The following COL27A1 variants were observed in gnomAD, a reference collection of about 807,000 sequenced individuals.
The protein encoded by COL27A1 is collagen alpha-1(XXVII) chain.
COL27A1 carries 106 observed loss-of-function variants against 251.3 expected under a neutral mutation model. The observed-to-expected ratio is 0.42, with a 90% CI of 0.36 to 0.50. The LOEUF (loss-of-function observed/expected upper bound fraction) is 0.50, where lower values mean the gene tolerates loss of function less well. COL27A1 is among the 20% of genes least tolerant of loss of function. The pLI is 0.00. For missense variants in COL27A1, 2,325 were observed against 2,522.8 expected (o/e 0.92, Z 1.68); for synonymous variants, 1,000 against 986.3 (o/e 1.01, Z -0.26).
chr9:114,300,950 G>T (rs1828578900), intron 51 of COL27A1, 122 bp from the exon 52 acceptor site: 2 of 990,056 alleles, frequency 2.0e-6, no homozygotes, highest in Middle Eastern at 2.4e-4. Flanking sequence ...CATGGCCTGG[G>T]CCCGCTTCAG....
chr9:114,218,215 G>T (rs534673537), intron 12 of COL27A1: 1 of 182,426 alleles, frequency 5.5e-6, no homozygotes, highest in Admixed American at 5.5e-5. Context: ...GTTTAGGTGA[G>T]ACTGGAATTT....
At chr9:114,180,084 C>T (rs1248598224) in intron 4 of COL27A1, among the ~76,000 whole-genome samples, 1 of 151,982 alleles carries the variant, frequency 6.6e-6, no homozygotes, top group South Asian at 2.1e-4. Flanking sequence ...AAGTGATCCA[C>T]CTGCCTCGGC....
intron 7 of COL27A1, among the ~76,000 whole-genome samples, chr9:114,202,528 C>T (rs914612408): frequency 6.6e-6 from 1 of 152,182 alleles, no homozygotes; most frequent in African/African-American, 2.4e-5. Flanking sequence ...ATGATGATCA[C>T]GGCTGTTAGT....
chr9:114,284,050 GT>G (rs1177390219), intron 40 of COL27A1, among the ~76,000 whole-genome samples: 6 of 152,192 alleles, frequency 3.9e-5, no homozygotes. Flanking sequence ...CTTGTCTGCT[GT>G]CTGGGGAAGG....
At chr9:114,213,462 TCA>T (rs1365233808) in intron 12 of COL27A1, among the ~76,000 whole-genome samples, 2 of 152,200 alleles carry the variant, frequency 1.3e-5, no homozygotes, top group East Asian at 3.9e-4. Flanking sequence ...ATAAGGCCAC[TCA>T]TTCATTCCTC....
At chr9:114,239,947 A>G (rs1240176865) in intron 19 of COL27A1, among the ~76,000 whole-genome samples, 2 of 152,130 alleles carry the variant, frequency 1.3e-5, no homozygotes, top group East Asian at 3.9e-4. Context: ...TTTGAGAAAT[A>G]ACGACCTTGA....
chr9:114,298,496 T>C (rs1475806664), intron 49 of COL27A1, among the ~76,000 whole-genome samples: 1 of 152,222 alleles, frequency 6.6e-6, no homozygotes, highest in African/African-American at 2.4e-5. Context: ...AAACCTTACA[T>C]TTATGTCTGT....
chr9:114,258,742 A>C, intron 28 of COL27A1, 148 bp downstream of exon 28: 1 of 774,990 alleles, frequency 1.3e-6, no homozygotes, highest in Non-Finnish European at 2.1e-6. Flanking sequence ...TTCTAGGCTC[A>C]CCCTGGACCT....
intron 15 of COL27A1, 128 bp downstream of exon 15, chr9:114,231,260 G>T: frequency 1.2e-6 from 1 of 853,926 alleles, no homozygotes; most frequent in Non-Finnish European, 1.9e-6. Context: ...TGCTCAGAGG[G>T]GTGCTAGGAG....
intron 14 of COL27A1, among the ~76,000 whole-genome samples, chr9:114,226,504 T>C (rs1051363104): frequency 2.6e-5 from 4 of 152,198 alleles, no homozygotes; most frequent in African/African-American, 9.6e-5. Context: ...CTCTCCACTG[T>C]TGTACTATAT....
At chr9:114,175,171 C>T (rs754838230) in intron 3 of COL27A1, among the ~76,000 whole-genome samples, 93 of 152,208 alleles carry the variant, frequency 6.1e-4, no homozygotes, top group Admixed American at 1.7e-3. Flanking sequence ...TGGTTGTTTC[C>T]ATGGCTCTGT....
intron 39 of COL27A1, among the ~76,000 whole-genome samples, chr9:114,283,216 C>T (rs1160999891): frequency 2.0e-5 from 3 of 152,200 alleles, no homozygotes; most frequent in Admixed American, 6.5e-5. Flanking sequence ...CATGACGTCA[C>T]TGAATGCAGA....
At chr9:114,289,323 G>A (rs944756990) in intron 45 of COL27A1, 28 bp downstream of exon 45, 1 of 1,556,412 alleles carries the variant, frequency 6.4e-7, no homozygotes, top group African/African-American at 1.4e-5. Flanking sequence ...TCAGCAGGGA[G>A]ACTGAGTCCC....
chr9:114,197,154 A>G (rs746261999), intron 7 of COL27A1, among the ~76,000 whole-genome samples: 4 of 152,162 alleles, frequency 2.6e-5, no homozygotes, highest in African/African-American at 4.8e-5. Context: ...TGGTGAATCC[A>G]TCGGCCTACC....
chr9:114,310,205 C>T (rs1223951521), intron 60 of COL27A1, among the ~76,000 whole-genome samples: 1 of 152,056 alleles, frequency 6.6e-6, no homozygotes, highest in African/African-American at 2.4e-5. Context: ...ACCCAAACCC[C>T]ACCTGTTCCC....
chr9:114,159,056 G>T (rs896501270), intron 1 of COL27A1, among the ~76,000 whole-genome samples: 3 of 152,220 alleles, frequency 2.0e-5, no homozygotes, highest in Non-Finnish European at 4.4e-5. Flanking sequence ...TACTTGGGAA[G>T]TTTATGGGTC....
At chr9:114,199,324 A>G (rs1246474934) in intron 7 of COL27A1, among the ~76,000 whole-genome samples, 3 of 152,168 alleles carry the variant, frequency 2.0e-5, no homozygotes, top group African/African-American at 4.8e-5. Context: ...AGTGCACGAG[A>G]TAGCCCTTCC....
rs188525346 is a variant in COL27A1, at chr9:114,268,102, G to A, written c.3501+545G>A. Reference sequence around the variant, plus strand: ...CAAAGAGGGAGTTGGACCAGGCCGGGGGCTGCCAGACTTGGCCTAGTCCCA... The same window carrying A: ...CAAAGAGGGAGTTGGACCAGGCCGGAGGCTGCCAGACTTGGCCTAGTCCCA... On this transcript the variant is annotated intron_variant, in intron 34 of 60. Transcript: ENST00000356083. Among the ~76,000 whole-genome samples the A allele has an allele frequency of 1.2e-4, 19 of 152,322 alleles. No homozygotes were observed. In the East Asian group the frequency reaches 3.7e-3, roughly 29 times the overall value.
At chr9:114,278,574 G>T (rs905482553) in intron 37 of COL27A1, among the ~76,000 whole-genome samples, 1 of 141,514 alleles carries the variant, frequency 7.1e-6, no homozygotes, top group Non-Finnish European at 1.5e-5. Flanking sequence ...TGATGATGGT[G>T]GTCATGGCAG....
Sources: allele counts gnomAD v4.1 joint callset (sites outside exome capture counted in the v4.1 genomes callset), GRCh38; gene constraint gnomAD v4.1.1; transcripts MANE v1.5; gene names NCBI Gene and HGNC (gene_info 2026-07-23, HGNC 2026-07-21).